CDC40: variants seen among roughly 807,000 people sequenced by gnomAD.
The protein encoded by CDC40 is cell division cycle 40.
In CDC40, 27 loss-of-function variants were observed where a neutral mutation model predicts 80.6. The ratio of observed to expected loss-of-function variants is 0.33; its 90% CI spans 0.25 to 0.46. The LOEUF is 0.46. Ranked by LOEUF, CDC40 falls within the 20% of genes least tolerant of loss-of-function variation. The probability of loss-of-function intolerance (pLI) is 1.00; values close to 1 mark genes in which losing one functional copy is unlikely to be tolerated. For synonymous variants in CDC40, 221 were observed against 232.6 expected (o/e 0.95, Z 0.45); for missense variants, 486 against 694.1 (o/e 0.70, Z 3.37).
At chr6:110,184,317 C>T (rs1314817918) in intron 1 of CDC40, among the ~76,000 whole-genome samples, 1 of 151,614 alleles carries the variant, frequency 6.6e-6, no homozygotes, top group African/African-American at 2.4e-5. Flanking sequence ...TTTGGGAGTA[C>T]ATTGAGTCAT....
intron 1 of CDC40, among the ~76,000 whole-genome samples, chr6:110,189,424 A>G (rs1016301718): frequency 4.6e-5 from 7 of 152,212 alleles, no homozygotes; most frequent in Non-Finnish European, 8.8e-5. Flanking sequence ...TGTTGAATGA[A>G]TATATGAATC....
At chr6:110,214,593 C>T (rs1005087710) in intron 8 of CDC40, among the ~76,000 whole-genome samples, 2 of 152,180 alleles carry the variant, frequency 1.3e-5, no homozygotes, top group African/African-American at 4.8e-5. Flanking sequence ...GAAACCAGGT[C>T]TCAGAGGTCG....
intron 1 of CDC40, among the ~76,000 whole-genome samples, chr6:110,191,688 G>GGCCTTGCCTATTCTAGGCAAATAGGATTT (rs1305044401): frequency 1.3e-5 from 2 of 152,108 alleles, no homozygotes. Context: ...ATTGTTCCTT[G>GGCCTTGCCTATTCTAGGCAAATAGGATTT]GCCTATTCTA....
intron 2 of CDC40, among the ~76,000 whole-genome samples, chr6:110,197,051 A>G (rs995646241): frequency 2.6e-5 from 4 of 152,176 alleles, no homozygotes; most frequent in Admixed American, 1.3e-4. Flanking sequence ...CAATGTTATA[A>G]TATGCTGCTA....
At chr6:110,220,517 T>C (rs1777757622) in intron 12 of CDC40, among the ~76,000 whole-genome samples, 1 of 138,656 alleles carries the variant, frequency 7.2e-6, no homozygotes, top group Non-Finnish European at 1.5e-5. Flanking sequence ...CAATCTCAGC[T>C]CACTGCAAGC....
intron 14 of CDC40, among the ~76,000 whole-genome samples, chr6:110,229,433 G>A (rs1353957960): frequency 6.6e-6 from 1 of 152,170 alleles, no homozygotes; most frequent in East Asian, 1.9e-4. Context: ...CACTGGATTT[G>A]TGAAGCCTAC....
In CDC40 at chr6:110,230,072, C is replaced by T; in HGVS notation, c.1681C>T (p.His561Tyr). The change falls in exon 15 of 15, where the codon CAT (histidine) becomes TAT (tyrosine). Residue 561 changes from histidine (H) to tyrosine (Y), a missense_variant. Around this residue, in one of 3 missense-constraint regions of CDC40, gnomAD observed 88 missense variants for 138.7 expected, o/e 0.63. Coordinates refer to ENST00000307731, the MANE Select transcript of CDC40 (RefSeq NM_015891.3). ...GTGTATAGGTGCAGTGTGGCATCCT[C>T]ATGAAACTTCTAAGGTCATAACATG... is the stretch of plus-strand genomic sequence containing the variant. The part of the protein sequence containing the change: ...KVCIGAVWHP[H>Y]ETSKVITCGW... 1.2e-6 allele frequency: 2 copies of T among 1,612,492 alleles called. No individual in the cohort carries two copies. The highest frequency in any genetic ancestry group is 1.7e-6 in the Non-Finnish European group (2 of 1,178,702).
intron 9 of CDC40, among the ~76,000 whole-genome samples, chr6:110,215,891 G>A (rs979890210): frequency 5.3e-5 from 8 of 152,136 alleles, no homozygotes; most frequent in Non-Finnish European, 7.3e-5. Flanking sequence ...AAGGAACTAC[G>A]TATTAGAGTT....
chr6:110,200,401 A>G (rs1033957192), intron 2 of CDC40, among the ~76,000 whole-genome samples: 3 of 152,182 alleles, frequency 2.0e-5, no homozygotes, highest in Admixed American at 2.0e-4. Context: ...ATGACCTACA[A>G]TGTTCTAATG....
intron 11 of CDC40, 54 bp downstream of exon 11, chr6:110,219,533 G>T: frequency 8.6e-7 from 1 of 1,162,462 alleles, no homozygotes; most frequent in Non-Finnish European, 1.3e-6. Context: ...TTGTATAAGG[G>T]GATGGAATAA....
chr6:110,217,952 G>C, intron 10 of CDC40, 149 bp downstream of exon 10: 1 of 524,254 alleles, frequency 1.9e-6, no homozygotes, highest in Non-Finnish European at 3.4e-6. Context: ...AAATACATTT[G>C]TAAGTCGAAA....
intron 8 of CDC40, 61 bp downstream of exon 8, chr6:110,213,221 G>C: frequency 2.7e-6 from 3 of 1,094,688 alleles, no homozygotes; most frequent in Non-Finnish European, 4.2e-6. Context: ...AAATCTGTTT[G>C]ATTAATTATA....
At chr6:110,201,799 A>T in intron 3 of CDC40, 112 bp downstream of exon 3, 2 of 834,596 alleles carry the variant, frequency 2.4e-6, no homozygotes, top group Non-Finnish European at 3.8e-6. Context: ...TTCCTTCAGA[A>T]AGGATAGTAT....
intron 5 of CDC40, 105 bp downstream of exon 5, chr6:110,209,328 A>G: frequency 9.9e-6 from 10 of 1,007,248 alleles, no homozygotes; most frequent in Non-Finnish European, 1.3e-5. Flanking sequence ...CAAATGACTC[A>G]TCAAAATTTT....
chr6:110,198,386 A>G (rs548483462), intron 2 of CDC40, among the ~76,000 whole-genome samples: 1 of 152,244 alleles, frequency 6.6e-6, no homozygotes, highest in African/African-American at 2.4e-5. Context: ...AATGTTGGCT[A>G]GGCTGGTCTT....
At chr6:110,217,044 T>G (rs763143512) in intron 9 of CDC40, among the ~76,000 whole-genome samples, 2 of 152,048 alleles carry the variant, frequency 1.3e-5, no homozygotes, top group Non-Finnish European at 2.9e-5. Context: ...AAGGTTGAGC[T>G]TACAGTGAGC....
chr6:110,230,355 G>A lies in CDC40; in HGVS notation c.*224G>A. ...GAAAGTGGCTATTGACTTTCTATTT[G>A]ACAAGTAGTTATAATTGGCAAGCAG... On this transcript the variant is annotated 3_prime_UTR_variant, in exon 15 of 15. Coordinates refer to ENST00000307731, the MANE Select transcript of CDC40 (RefSeq NM_015891.3). The A allele has an allele frequency of 2.4e-6, 1 of 425,128 alleles. No individual in the cohort carries two copies. The highest frequency in any genetic ancestry group is 4.1e-6 in the Non-Finnish European group (1 of 241,726). The allele number at this position is 425,128 out of a possible 1,614,324, so 26.3% of individuals were successfully genotyped here.
In CDC40 at chr6:110,209,101, A is replaced by G; in HGVS notation, c.508A>G (p.Thr170Ala). The change falls in exon 5 of 15, where the codon ACT (threonine) becomes GCT (alanine). Residue 170 changes from threonine to alanine, a missense_variant. Physicochemically the swap from Thr to Ala is moderately conservative, Grantham distance 58 (BLOSUM62 0). This residue lies in a region of CDC40 where 381 missense variants were observed against 492.1 expected (regional missense o/e 0.77). Coordinates refer to ENST00000307731, the MANE Select transcript of CDC40 (RefSeq NM_015891.3). ...TAACGTAGGTTTAACTGTATTTGAA[A>G]CTGGTCAGAAGAAAACAGAAAAGAG... is the stretch of plus-strand genomic sequence containing the variant. ...EKNQGLTVFE[T>A]GQKKTEKRKK... 13 of 1,580,160 alleles carry G rather than the reference A, an allele frequency of 8.2e-6. No individual in the cohort carries two copies. Among genetic ancestry groups the G allele is most frequent in the Non-Finnish European group, 1.1e-5 (13 of 1,151,330 alleles).
rs567826733 is a variant in CDC40 at position 110,213,395 on chromosome 6, GT to G, written c.942+247del. Among the ~76,000 whole-genome samples the G allele has an allele frequency of 1.3e-3, 176 of 135,036 alleles. 1 individual carries two copies. The highest frequency in any genetic ancestry group is 3.7e-3 in the African/African-American group (123 of 33,608). The allele number at this position is 135,036 out of a possible 152,430, so 88.6% of individuals were successfully genotyped here. ...TGTTGTTTTTGTTTTTTGTTTTTTT[GT>G]TTTTTTTTTTTGAGATGGAGTCTTG... On this transcript the variant is annotated intron_variant, in intron 8 of 14. Coordinates refer to ENST00000307731, the MANE Select transcript of CDC40 (RefSeq NM_015891.3).
Sources: allele counts gnomAD v4.1 joint callset (sites outside exome capture counted in the v4.1 genomes callset), GRCh38; gene constraint gnomAD v4.1.1; regional missense constraint gnomAD v4.1.1; transcripts MANE v1.5; gene names NCBI Gene and HGNC (gene_info 2026-07-23, HGNC 2026-07-21).